Variants in ZFAT observed in about 807,000 individuals in gnomAD.
ZFAT encodes the protein zinc finger protein ZFAT.
ZFAT carries 64 observed loss-of-function variants against 117.7 expected under a neutral mutation model. The ratio of observed to expected loss-of-function variants is 0.54; its 90% CI spans 0.44 to 0.67. The LOEUF is 0.67. Ranked by LOEUF, ZFAT falls within the 30% of genes least tolerant of loss-of-function variation. The probability of loss-of-function intolerance (pLI) is 0.00; values close to 1 mark genes in which losing one functional copy is unlikely to be tolerated. For missense variants in ZFAT, 1,433 were observed against 1,584.5 expected (o/e 0.90, Z 1.62); for synonymous variants, 679 against 615.0 (o/e 1.10, Z -1.54).
the ZFAT span, chr8:134,792,657 G>C: frequency 6.6e-6 from 1 of 152,196 alleles, no homozygotes; most frequent in Non-Finnish European, 1.5e-5. Context: ...CACAGTGGTA[G>C]TTTGTATGAA....
intron 5 of ZFAT, 62 bp downstream of exon 5, chr8:134,608,667 A>T (rs140562416): frequency 1.3e-6 from 2 of 1,576,472 alleles, no homozygotes; most frequent in African/African-American, 2.7e-5. Context: ...TCCTTCCTGC[A>T]CTCTGTGGAG....
chr8:134,638,421 G>C lies in ZFAT; in HGVS notation c.197-709C>G, dbSNP rs188150540. Among the ~76,000 whole-genome samples the C allele has an allele frequency of 2.6e-5, 4 of 151,938 alleles. No individual in the cohort carries two copies. In the East Asian group the frequency reaches 7.7e-4, roughly 29 times the overall value. On this transcript the variant is annotated intron_variant, in intron 2 of 15. Transcript: ENST00000377838. ...AAGGTGGGAATTAAGAGGGGTGAGC[G>C]GGGGCCAGGCGCGGTGGCTCACGCC...
At chr8:134,539,429 T>A (rs1290892931) in intron 11 of ZFAT, among the ~76,000 whole-genome samples, 2 of 152,240 alleles carry the variant, frequency 1.3e-5, no homozygotes, top group Non-Finnish European at 2.9e-5. Flanking sequence ...AAAGATCAGA[T>A]GTGAATCCAC....
At chr8:134,531,024 G>A (rs1821367077) in intron 12 of ZFAT, among the ~76,000 whole-genome samples, 1 of 152,190 alleles carries the variant, frequency 6.6e-6, no homozygotes, top group African/African-American at 2.4e-5. Flanking sequence ...ATATCTGTGT[G>A]TGTCTGTGTG....
At chr8:134,736,371 G>A in the ZFAT span, among the ~76,000 whole-genome samples, 3 of 152,114 alleles carry the variant, frequency 2.0e-5, no homozygotes, top group Admixed American at 6.5e-5. Flanking sequence ...CAGAGGTTTC[G>A]GGGATGCAAC....
intron 10 of ZFAT, among the ~76,000 whole-genome samples, chr8:134,569,838 T>G (rs1824755589): frequency 6.6e-6 from 1 of 152,138 alleles, no homozygotes. Flanking sequence ...CCAGCCTAAA[T>G]CAGTATACCT....
At chr8:134,546,307 C>T (rs749110538) in intron 11 of ZFAT, among the ~76,000 whole-genome samples, 1 of 152,074 alleles carries the variant, frequency 6.6e-6, no homozygotes. Context: ...AAGTGCTTCC[C>T]GAGGGGTTTT....
At chr8:134,629,561 G>A (rs552343749) in intron 3 of ZFAT, among the ~76,000 whole-genome samples, 2 of 152,184 alleles carry the variant, frequency 1.3e-5, no homozygotes, top group South Asian at 2.1e-4. Context: ...TGGATCATGG[G>A]GGTGGATTTC....
chr8:134,484,589 C>T (rs1817540958), intron 15 of ZFAT, among the ~76,000 whole-genome samples: 1 of 152,068 alleles, frequency 6.6e-6, no homozygotes, highest in Non-Finnish European at 1.5e-5. Context: ...AATAAACTAC[C>T]CAGGGCCACA....
intron 15 of ZFAT, among the ~76,000 whole-genome samples, chr8:134,506,758 A>G (rs912658800): frequency 2.0e-5 from 3 of 152,232 alleles, no homozygotes; most frequent in Non-Finnish European, 4.4e-5. Flanking sequence ...TGAAATGTTT[A>G]ACCATCCAGA....
chr8:134,557,119 T>G (rs1265042890), intron 11 of ZFAT, among the ~76,000 whole-genome samples: 1 of 152,144 alleles, frequency 6.6e-6, no homozygotes, highest in Non-Finnish European at 1.5e-5. Flanking sequence ...TTTATGCTTC[T>G]TACATTGTTC....
chr8:134,507,304 C>A (rs1036803882), intron 15 of ZFAT, among the ~76,000 whole-genome samples: 1 of 152,140 alleles, frequency 6.6e-6, no homozygotes, highest in African/African-American at 2.4e-5. Flanking sequence ...CCTGGGAGAG[C>A]CTGAAACACT....
intron 5 of ZFAT, among the ~76,000 whole-genome samples, chr8:134,603,366 G>A (rs921826225): frequency 6.6e-6 from 1 of 152,170 alleles, no homozygotes; most frequent in Non-Finnish European, 1.5e-5. Flanking sequence ...CAATAATAAT[G>A]AGCTGTGTTC....
At chr8:134,610,049 T>A (rs924604915) in intron 4 of ZFAT, among the ~76,000 whole-genome samples, 2 of 151,922 alleles carry the variant, frequency 1.3e-5, no homozygotes, top group African/African-American at 4.8e-5. Context: ...GTGGGCAGAG[T>A]TAGCATGGGT....
At chr8:134,710,668 C>A (rs533053727) in intron 1 of ZFAT, among the ~76,000 whole-genome samples, 6 of 152,264 alleles carry the variant, frequency 3.9e-5, no homozygotes, top group Non-Finnish European at 7.3e-5. Flanking sequence ...GAGGATGGGA[C>A]CCAAGTCTAA....
rs78623193 is a variant in ZFAT, at chr8:134,587,470, C to A, written c.2713+776G>T. Among the ~76,000 whole-genome samples the A allele has an allele frequency of 7.3e-3, 1,111 of 152,240 alleles. 13 individuals are homozygous for A. The highest frequency in any genetic ancestry group is 0.026 in the African/African-American group (1,083 of 41,528). ...TTATCCCATATTATAGAAAATACTT[C>A]ATCCTTCATCCCCCTCTACTCTTGT... On this transcript the variant is annotated intron_variant, in intron 9 of 15. Coordinates refer to ENST00000377838, the MANE Select transcript of ZFAT (RefSeq NM_020863.4).
At chr8:134,593,089 C>T (rs1356472738) in intron 7 of ZFAT, among the ~76,000 whole-genome samples, 1 of 152,120 alleles carries the variant, frequency 6.6e-6, no homozygotes, top group African/African-American at 2.4e-5. Flanking sequence ...GGCGAGATGC[C>T]CCGGGTCAGG....
At chr8:134,737,110 G>A in the ZFAT span, among the ~76,000 whole-genome samples, 246 of 152,010 alleles carry the variant, frequency 1.6e-3, 1 homozygote, top group African/African-American at 5.6e-3. Context: ...GAGAAACCCC[G>A]TCTCTACTAA....
intron 11 of ZFAT, among the ~76,000 whole-genome samples, chr8:134,547,176 A>G (rs949239973): frequency 6.6e-6 from 1 of 152,214 alleles, no homozygotes; most frequent in Non-Finnish European, 1.5e-5. Flanking sequence ...CTAGTGTTCT[A>G]GCTAAGGTCT....
Sources: gnomAD v4.1 joint callset for allele counts (sites outside exome capture counted in the v4.1 genomes callset) on GRCh38, gnomAD v4.1.1 for gene constraint, MANE v1.5 for transcripts, NCBI Gene and HGNC (gene_info 2026-07-23, HGNC 2026-07-21) for gene names.